HDAC9: variants seen among roughly 807,000 people sequenced by gnomAD.
HDAC9 encodes the protein histone deacetylase 9.
In HDAC9, 41 loss-of-function variants were observed where a neutral mutation model predicts 139.4. The observed-to-expected ratio is 0.29, with a 90% CI of 0.23 to 0.38. HDAC9 has a LOEUF of 0.38. HDAC9 is among the 10% of genes least tolerant of loss of function. The probability of loss-of-function intolerance (pLI) is 1.00; values close to 1 mark genes in which losing one functional copy is unlikely to be tolerated. For missense variants in HDAC9, 1,147 were observed against 1,297.0 expected (o/e 0.88, Z 1.78); for synonymous variants, 517 against 476.2 (o/e 1.09, Z -1.12).
chr7:18,281,243 T>C (rs1797085856), intron 2 of HDAC9, among the ~76,000 whole-genome samples: 2 of 152,220 alleles, frequency 1.3e-5, no homozygotes, highest in Non-Finnish European at 2.9e-5. Flanking sequence ...TGATAAACTT[T>C]CTATATGATG....
chr7:18,876,629 GGTGAAATT>G (rs1322861496), intron 22 of HDAC9, among the ~76,000 whole-genome samples: 3 of 151,814 alleles, frequency 2.0e-5, no homozygotes, highest in African/African-American at 7.3e-5. Flanking sequence ...TCAGTAGTTA[GGTGAAATT>G]GCATGAGGCA....
At chr7:18,920,522 A>C (rs191532166) in intron 22 of HDAC9, among the ~76,000 whole-genome samples, 168 of 152,286 alleles carry the variant, frequency 1.1e-3, no homozygotes, top group Middle Eastern at 0.01. Flanking sequence ...CAGAACTTCC[A>C]ACACTATGTT....
rs572218542 is a variant in HDAC9 at position 18,238,397 on chromosome 7, A to T, written c.25+76048A>T. 4.6e-5 allele frequency among the ~76,000 whole-genome samples: 7 copies of T among 152,274 alleles called. 1 individual carries two copies. The South Asian group carries it at 1.4e-3, about 32-fold the overall frequency. Reference sequence around the variant, plus strand: ...CGTCAGATTGTCTTTTAGTTCTTTGACCGATGAACTTTCCACAGTGCCATA... The same window carrying T: ...CGTCAGATTGTCTTTTAGTTCTTTGTCCGATGAACTTTCCACAGTGCCATA... On this transcript the variant is annotated intron_variant, in intron 2 of 12. Transcript: ENST00000417496.
chr7:18,362,061 TG>T (rs1783824999), intron 1 of HDAC9, among the ~76,000 whole-genome samples: 1 of 152,216 alleles, frequency 6.6e-6, no homozygotes, highest in Non-Finnish European at 1.5e-5. Flanking sequence ...GGGGAGCAAA[TG>T]GAGCACCAGC....
intron 22 of HDAC9, among the ~76,000 whole-genome samples, chr7:18,885,625 G>A (rs138172848): frequency 3.2e-4 from 48 of 152,076 alleles, no homozygotes; most frequent in Admixed American, 1.6e-3. Context: ...CTAGACTTCC[G>A]CCTTCATTTA....
At chr7:18,617,768 C>T (rs10240266) in intron 6 of HDAC9, among the ~76,000 whole-genome samples, 2 of 152,030 alleles carry the variant, frequency 1.3e-5, no homozygotes, top group South Asian at 2.1e-4. Flanking sequence ...ATAATTGGCA[C>T]TGAATAAATT....
chr7:18,855,213 C>G (rs976478187), intron 21 of HDAC9, among the ~76,000 whole-genome samples: 1 of 152,118 alleles, frequency 6.6e-6, no homozygotes, highest in East Asian at 1.9e-4. Flanking sequence ...TCAGGACTTG[C>G]TTTACACTAA....
intron 23 of HDAC9, 79 bp downstream of exon 23, chr7:18,936,021 T>A (rs890939412): frequency 2.9e-6 from 4 of 1,364,716 alleles, no homozygotes; most frequent in Admixed American, 4.3e-5. Flanking sequence ...TAAAAAAAAA[T>A]TCTGCATACT....
At chr7:18,946,727 A>G (rs1782432197) in intron 23 of HDAC9, among the ~76,000 whole-genome samples, 1 of 152,118 alleles carries the variant, frequency 6.6e-6, no homozygotes. Flanking sequence ...AAATTTTAGT[A>G]CACGTCTCTC....
chr7:18,288,405 TATTCTA>T (rs2128223343), upstream of HDAC9, among the ~76,000 whole-genome samples: 1 of 152,366 alleles, frequency 6.6e-6, no homozygotes, highest in East Asian at 1.9e-4. Context: ...TATTGTTTCT[TATTCTA>T]ATACTAAATT....
rs1782460189 is a variant in HDAC9 at position 18,346,905 on chromosome 7, T to G, written c.-42+56390T>G. ...AAGTGGAATAGCCAATCCACCACTT[T>G]GTTTTCTAGGTCTAAAATGATCTGT... On this transcript the variant is annotated intron_variant, in intron 1 of 3. Coordinates refer to the HDAC9 transcript ENST00000413509. Among the ~76,000 whole-genome samples the G allele has an allele frequency of 2.0e-5, 3 of 152,162 alleles. No homozygotes were observed. In the South Asian group the frequency reaches 6.2e-4, roughly 32 times the overall value.
intron 2 of HDAC9, among the ~76,000 whole-genome samples, chr7:18,212,278 A>G (rs1396428745): frequency 6.6e-6 from 1 of 152,170 alleles, no homozygotes; most frequent in Admixed American, 6.6e-5. Context: ...CAGTTCTAGA[A>G]TGTTCTAATA....
intron 1 of HDAC9, among the ~76,000 whole-genome samples, chr7:18,421,694 A>G (rs972777379): frequency 3.9e-5 from 6 of 152,138 alleles, no homozygotes; most frequent in Admixed American, 1.3e-4. Flanking sequence ...GCTCAGTGTC[A>G]CGGATGAGTG....
At chr7:18,604,300 A>T (rs925156511) in intron 6 of HDAC9, among the ~76,000 whole-genome samples, 2 of 152,038 alleles carry the variant, frequency 1.3e-5, no homozygotes, top group Non-Finnish European at 1.5e-5. Context: ...TGTTCCATTT[A>T]AAAAAATTGT....
At chr7:18,732,320 AAT>A (rs532070210) in intron 13 of HDAC9, among the ~76,000 whole-genome samples, 25 of 152,258 alleles carry the variant, frequency 1.6e-4, no homozygotes, top group African/African-American at 6.0e-4. Context: ...CCTCTATTAA[AAT>A]ATGTTTATAC....
chr7:18,423,526 A>G (rs1789836036), intron 1 of HDAC9, among the ~76,000 whole-genome samples: 1 of 152,242 alleles, frequency 6.6e-6, no homozygotes, highest in East Asian at 1.9e-4. Flanking sequence ...TTATCCCCAC[A>G]ACATAGTGAC....
intron 12 of HDAC9, among the ~76,000 whole-genome samples, chr7:18,716,782 A>G (rs1260524982): frequency 6.6e-6 from 1 of 152,134 alleles, no homozygotes; most frequent in East Asian, 1.9e-4. Context: ...TTAACTAAAC[A>G]TACACACTCT....
intron 1 of HDAC9, among the ~76,000 whole-genome samples, chr7:18,408,531 A>G (rs1185006148): frequency 6.6e-6 from 1 of 152,218 alleles, no homozygotes; most frequent in East Asian, 1.9e-4. Context: ...CTGGTTCTGT[A>G]AGTTCAAAAA....
chr7:18,191,410 C>A (rs1049409977), intron 2 of HDAC9, among the ~76,000 whole-genome samples: 20 of 152,156 alleles, frequency 1.3e-4, no homozygotes, highest in African/African-American at 4.8e-4. Context: ...AGTCTTATCA[C>A]TCTGTATCAT....
Sources: allele counts gnomAD v4.1 joint callset (sites outside exome capture counted in the v4.1 genomes callset), GRCh38; gene constraint gnomAD v4.1.1; transcripts MANE v1.5; gene names NCBI Gene and HGNC (gene_info 2026-07-23, HGNC 2026-07-21).